The following UVRAG variants were observed in gnomAD, a reference collection of about 807,000 sequenced individuals.
UVRAG encodes UV radiation resistance associated, also known as UV radiation resistance-associated gene protein.
A neutral mutation model predicts 78.0 loss-of-function variants in UVRAG; 19 were observed. That is an observed-to-expected ratio of 0.24 (90% CI 0.17 to 0.36). The LOEUF (loss-of-function observed/expected upper bound fraction) is 0.36, where lower values mean the gene tolerates loss of function less well. Ranked by LOEUF, UVRAG falls within the 10% of genes least tolerant of loss-of-function variation. The pLI is 1.00. For missense variants in UVRAG, 740 were observed against 853.8 expected (o/e 0.87, Z 1.66); for synonymous variants, 323 against 324.6 (o/e 1.00, Z 0.05).
intron 5 of UVRAG, among the ~76,000 whole-genome samples, chr11:75,906,729 T>G (rs566866657): frequency 6.6e-6 from 1 of 152,352 alleles, no homozygotes; most frequent in Non-Finnish European, 1.5e-5. Context: ...TCCAACTTCA[T>G]TCTTTTAAAA....
intron 14 of UVRAG, among the ~76,000 whole-genome samples, chr11:76,126,692 C>A (rs1952402727): frequency 6.6e-6 from 1 of 152,088 alleles, no homozygotes; most frequent in African/African-American, 2.4e-5. Context: ...TAAATGTTTC[C>A]TTTTGCACAC....
Position 76,013,401 on chromosome 11 carries a change from G to A in UVRAG, c.1061-3414G>A, listed in dbSNP as rs117735532. Among the ~76,000 whole-genome samples, 1,058 of 152,134 alleles carry A rather than the reference G, an allele frequency of 7.0e-3. 6 individuals carry two copies. The highest frequency in any genetic ancestry group is 0.012 in the Non-Finnish European group (810 of 68,002). ...CATACCTGAGTCTTAAGGTTCATTC[G>A]TGTTTCTCCCTGGACCGTCCACTCC... On this transcript the variant is annotated intron_variant, in intron 11 of 14. Transcript: ENST00000356136.
At chr11:75,905,900 C>T (rs753091679) in intron 5 of UVRAG, among the ~76,000 whole-genome samples, 3 of 151,116 alleles carry the variant, frequency 2.0e-5, no homozygotes, top group South Asian at 2.1e-4. Flanking sequence ...TTTTTTTTAC[C>T]GTGGCTGACC....
rs191430769 is a variant in UVRAG at position 76,143,712 on chromosome 11, T to A, written c.*2299T>A. Among the ~76,000 whole-genome samples, 5 of 152,388 alleles carry A rather than the reference T, an allele frequency of 3.3e-5. No homozygotes were observed. The highest frequency in any genetic ancestry group is 1.3e-4 in the Admixed American group (2 of 15,306). Reference sequence around the variant, plus strand: ...CTATGGGATTACCCGTCTCCTGGAATAACTGTTTGACGTTTTCCAAAGTTG... The same window carrying A: ...CTATGGGATTACCCGTCTCCTGGAAAAACTGTTTGACGTTTTCCAAAGTTG... On this transcript the variant is annotated 3_prime_UTR_variant, in exon 15 of 15. Coordinates refer to ENST00000356136, the MANE Select transcript of UVRAG (RefSeq NM_003369.4).
At chr11:75,990,296 A>G (rs1006403576) in intron 8 of UVRAG, among the ~76,000 whole-genome samples, 2 of 152,194 alleles carry the variant, frequency 1.3e-5, no homozygotes, top group African/African-American at 4.8e-5. Context: ...ACTTAGTGTT[A>G]TCTCTACAAT....
At chr11:76,090,884 C>T (rs1030981339) in intron 13 of UVRAG, among the ~76,000 whole-genome samples, 2 of 152,198 alleles carry the variant, frequency 1.3e-5, no homozygotes, top group Non-Finnish European at 2.9e-5. Context: ...TGATCTGCTG[C>T]AGTCTGTCAT....
intron 1 of UVRAG, among the ~76,000 whole-genome samples, chr11:75,833,839 G>T (rs1295357267): frequency 6.6e-6 from 1 of 152,220 alleles, no homozygotes; most frequent in East Asian, 1.9e-4. Context: ...TCATGTTATT[G>T]TTTGTGGTTT....
rs143270603 is a variant in UVRAG at position 75,841,110 on chromosome 11, G to A, written c.118-10773G>A. ...CGAAATAATCTGGGCCTTAATTCTTGCCTGCCATTGAGCCTGGTCTCAGGC... is the reference window on the plus strand; with the variant it reads ...CGAAATAATCTGGGCCTTAATTCTTACCTGCCATTGAGCCTGGTCTCAGGC... On this transcript the variant is annotated intron_variant, in intron 1 of 14. Coordinates refer to ENST00000356136, the MANE Select transcript of UVRAG (RefSeq NM_003369.4). Among the ~76,000 whole-genome samples the A allele has an allele frequency of 2.2e-3, 336 of 152,240 alleles. 4 individuals carry two copies. Among genetic ancestry groups the A allele is most frequent in the African/African-American group, 7.9e-3 (326 of 41,524 alleles).
intron 14 of UVRAG, among the ~76,000 whole-genome samples, chr11:76,129,741 T>G (rs1367314618): frequency 4.6e-5 from 7 of 152,196 alleles, no homozygotes; most frequent in African/African-American, 1.7e-4. Flanking sequence ...ACATTTCCAT[T>G]CTGATCCATG....
intron 7 of UVRAG, among the ~76,000 whole-genome samples, chr11:75,977,699 CT>C (rs915035083): frequency 8.5e-5 from 13 of 152,088 alleles, no homozygotes; most frequent in Non-Finnish European, 1.8e-4. Context: ...GCAACCCCTG[CT>C]TTTTTGTGTT....
At chr11:75,994,841 A>G (rs1026939034) in intron 8 of UVRAG, among the ~76,000 whole-genome samples, 2 of 152,230 alleles carry the variant, frequency 1.3e-5, no homozygotes, top group African/African-American at 4.8e-5. Context: ...GGTGTTAGCT[A>G]GAGAACTTTG....
chr11:76,098,347 C>G (rs910426995), intron 13 of UVRAG, among the ~76,000 whole-genome samples: 1 of 152,126 alleles, frequency 6.6e-6, no homozygotes, highest in African/African-American at 2.4e-5. Flanking sequence ...CACAATAATT[C>G]TGTCAAGCAG....
chr11:75,885,947 T>C (rs1947067526), intron 4 of UVRAG, among the ~76,000 whole-genome samples: 1 of 152,170 alleles, frequency 6.6e-6, no homozygotes, highest in African/African-American at 2.4e-5. Flanking sequence ...CTCACCGTTT[T>C]TATGACACTC....
At chr11:76,063,478 A>G (rs575961521) in intron 12 of UVRAG, among the ~76,000 whole-genome samples, 1 of 152,198 alleles carries the variant, frequency 6.6e-6, no homozygotes, top group Non-Finnish European at 1.5e-5. Flanking sequence ...CACACACGTA[A>G]TCTATTTATT....
chr11:75,913,452 A>G (rs1304835708), intron 6 of UVRAG, among the ~76,000 whole-genome samples: 1 of 152,096 alleles, frequency 6.6e-6, no homozygotes, highest in Admixed American at 6.5e-5. Context: ...GATTAATCCT[A>G]CCCTGCCTTT....
At chr11:75,832,402 A>G (rs1018064063) in intron 1 of UVRAG, among the ~76,000 whole-genome samples, 1 of 152,224 alleles carries the variant, frequency 6.6e-6, no homozygotes, top group African/African-American at 2.4e-5. Flanking sequence ...ATTTGTTAGA[A>G]TGGCTCACAG....
At chr11:75,877,891 G>A (rs552251073) in intron 3 of UVRAG, among the ~76,000 whole-genome samples, 2 of 146,938 alleles carry the variant, frequency 1.4e-5, no homozygotes, top group African/African-American at 2.5e-5. Flanking sequence ...TCCCGGACGG[G>A]GCGGCTGGCC....
At chr11:75,846,829 A>ATT (rs1186042364) in intron 1 of UVRAG, among the ~76,000 whole-genome samples, 2 of 142,324 alleles carry the variant, frequency 1.4e-5, no homozygotes, top group South Asian at 2.2e-4. Flanking sequence ...TTGTTCTTTC[A>ATT]TTTTTTTTTT....
At chr11:75,987,358 T>A (rs538558369) in intron 8 of UVRAG, among the ~76,000 whole-genome samples, 93 of 152,352 alleles carry the variant, frequency 6.1e-4, no homozygotes, top group African/African-American at 2.1e-3. Flanking sequence ...CTTACATGCT[T>A]CTTACACCAG....
Sources: gnomAD v4.1 joint callset for allele counts (sites outside exome capture counted in the v4.1 genomes callset) on GRCh38, gnomAD v4.1.1 for gene constraint, MANE v1.5 for transcripts, NCBI Gene and HGNC (gene_info 2026-07-23, HGNC 2026-07-21) for gene names.